The following DIAPH3 variants were observed in gnomAD, a reference collection of about 807,000 sequenced individuals.
DIAPH3 encodes diaphanous related formin 3.
In DIAPH3, 117 loss-of-function variants were observed where a neutral mutation model predicts 144.3. The ratio of observed to expected loss-of-function variants is 0.81; its 90% confidence interval spans 0.70 to 0.95. The LOEUF is 0.95. Among genes scored for constraint, DIAPH3 ranks in the 40% least tolerant of loss-of-function variants. The pLI is 0.00. For missense variants in DIAPH3, 1,421 were observed against 1,412.7 expected, an observed-to-expected ratio of 1.01 and a Z score of -0.09; for synonymous variants, 519 against 488.9, an observed-to-expected ratio of 1.06 and a Z score of -0.81.
In DIAPH3 at chr13:59,666,532, A is replaced by G. The variant is rs1430900928; in HGVS notation, c.*52T>C. The G allele has an allele frequency of 6.2e-7, 1 of 1,607,422 alleles. No homozygotes were observed. Among genetic ancestry groups the G allele is most frequent in the Non-Finnish European group, 8.5e-7 (1 of 1,176,654 alleles). ...GCAATTTTTTCAAGTGTTATAGTTT[A>G]GAGCATGGCTTTATATTTGGCTTAA... is the stretch of plus-strand genomic sequence containing the variant. On this transcript the variant is annotated 3_prime_UTR_variant, in exon 28 of 28. Coordinates refer to ENST00000400324, the MANE Select transcript of DIAPH3 (RefSeq NM_001042517.2).
At position 60,067,284 on chromosome 13, in the gene DIAPH3, C is replaced by CA. The variant is rs879713500; in HGVS notation, c.496-24465dup. On this transcript the variant is annotated intron_variant, in intron 4 of 27. Coordinates refer to ENST00000400324, the MANE Select transcript of DIAPH3 (RefSeq NM_001042517.2). ...TGAGCGACAGTGTGAGACCCTATAT[C>CA]AAAAAAAAAAAAGAAAGAAAATTAT... Among the ~76,000 whole-genome samples the CA allele has an allele frequency of 6.7e-3, 939 of 139,832 alleles. 8 individuals are homozygous for CA. Among genetic ancestry groups the CA allele is most frequent in the African/African-American group, 0.022 (849 of 38,096 alleles). 91.7% of individuals were successfully genotyped at this position (139,832 alleles called of 152,430 possible).
chr13:59,905,993 G>T (rs1218174156), intron 20 of DIAPH3, among the ~76,000 whole-genome samples: 1 of 152,114 alleles, frequency 6.6e-6, no homozygotes, highest in Non-Finnish European at 1.5e-5. Context: ...AACTAATATA[G>T]TCCTACTTCA....
chr13:60,110,244 T>C (rs1037774077), intron 3 of DIAPH3, among the ~76,000 whole-genome samples: 47 of 152,178 alleles, frequency 3.1e-4, no homozygotes, highest in African/African-American at 1.1e-3. Flanking sequence ...AATTGCACAA[T>C]GCCAAAGCAA....
chr13:60,060,397 T>C (rs932334109), intron 4 of DIAPH3, among the ~76,000 whole-genome samples: 1 of 152,050 alleles, frequency 6.6e-6, no homozygotes, highest in African/African-American at 2.4e-5. Context: ...AATTGAAATA[T>C]ACTGGGAAAA....
intron 1 of DIAPH3, among the ~76,000 whole-genome samples, chr13:60,152,767 C>T (rs1708195677): frequency 6.6e-6 from 1 of 151,742 alleles, no homozygotes; most frequent in African/African-American, 2.4e-5. Context: ...TCTTATTTAA[C>T]CAAAAAAACT....
At chr13:60,014,330 A>C (rs1470140912) in intron 7 of DIAPH3, among the ~76,000 whole-genome samples, 2 of 152,180 alleles carry the variant, frequency 1.3e-5, no homozygotes, top group Non-Finnish European at 2.9e-5. Context: ...ATTTACTCTT[A>C]AAACAGATAT....
intron 4 of DIAPH3, among the ~76,000 whole-genome samples, chr13:60,058,735 C>T (rs958364406): frequency 1.3e-5 from 2 of 151,844 alleles, no homozygotes; most frequent in Admixed American, 1.3e-4. Flanking sequence ...AAAAAAAGAA[C>T]AAAATCATAT....
chr13:59,948,446 A>T (rs2048914441), intron 17 of DIAPH3, among the ~76,000 whole-genome samples: 1 of 151,928 alleles, frequency 6.6e-6, no homozygotes, highest in African/African-American at 2.4e-5. Flanking sequence ...CATTACACTT[A>T]GTTTTTGTTG....
intron 7 of DIAPH3, among the ~76,000 whole-genome samples, chr13:60,014,969 T>TTTTG (rs1555357128): frequency 9.5e-5 from 14 of 147,000 alleles, no homozygotes; most frequent in East Asian, 2.0e-4. Context: ...TTTTCTAGTT[T>TTTTG]TTTTGTTTTG....
rs1165086686 is a variant in DIAPH3, at chr13:60,132,941, T to A, written c.213+16A>T. On this transcript the variant is annotated intron_variant, in intron 2 of 27. Transcript: ENST00000400324. ...GTTACAATTCATAACAAAGGAAAAG[T>A]TGAGGATAATCTTACCATATCATCC... The A allele has an allele frequency of 1.9e-6, 3 of 1,603,556 alleles. No individual in the cohort carries two copies. In the East Asian group the frequency reaches 6.7e-5, roughly 36 times the overall value.
intron 20 of DIAPH3, among the ~76,000 whole-genome samples, chr13:59,908,492 T>C (rs1015719340): frequency 2.6e-5 from 4 of 151,652 alleles, no homozygotes; most frequent in African/African-American, 9.7e-5. Context: ...TTTTACACCC[T>C]GCCTTTCTAT....
intron 24 of DIAPH3, among the ~76,000 whole-genome samples, chr13:59,830,377 C>A (rs1381985295): frequency 2.0e-5 from 3 of 151,830 alleles, no homozygotes; most frequent in Non-Finnish European, 4.4e-5. Context: ...CCCTTCCAGC[C>A]TTCATGCTTA....
At chr13:59,949,165 T>C (rs2048966252) in intron 17 of DIAPH3, among the ~76,000 whole-genome samples, 1 of 152,184 alleles carries the variant, frequency 6.6e-6, no homozygotes, top group South Asian at 2.1e-4. Context: ...AGGCCCCTTC[T>C]GATTGGCTGC....
intron 17 of DIAPH3, among the ~76,000 whole-genome samples, chr13:59,939,422 C>T (rs2048414580): frequency 6.6e-6 from 1 of 152,074 alleles, no homozygotes; most frequent in African/African-American, 2.4e-5. Flanking sequence ...CTTATAGTAG[C>T]CCATATCAAT....
chr13:60,059,009 A>G (rs2056663705), intron 4 of DIAPH3, among the ~76,000 whole-genome samples: 1 of 151,928 alleles, frequency 6.6e-6, no homozygotes, highest in South Asian at 2.1e-4. Flanking sequence ...GTACCCCTAA[A>G]GCTGTTGAAA....
chr13:59,884,148 G>A (rs1036124044), intron 20 of DIAPH3, among the ~76,000 whole-genome samples: 1 of 152,084 alleles, frequency 6.6e-6, no homozygotes, highest in Non-Finnish European at 1.5e-5. Context: ...ATTCTCATAG[G>A]AGCGAGAACC....
chr13:59,714,548 T>A (rs2034953084), intron 27 of DIAPH3, among the ~76,000 whole-genome samples: 2 of 151,984 alleles, frequency 1.3e-5, no homozygotes, highest in Admixed American at 1.3e-4. Context: ...TAGAAATAAG[T>A]TTTAATGATC....
intron 4 of DIAPH3, among the ~76,000 whole-genome samples, chr13:60,065,826 T>A (rs533246289): frequency 3.9e-5 from 6 of 152,248 alleles, no homozygotes; most frequent in African/African-American, 1.4e-4. Context: ...GGTGGGTAGG[T>A]AATTAAGTAT....
chr13:60,096,880 T>C (rs1477427373), intron 3 of DIAPH3, among the ~76,000 whole-genome samples: 2 of 152,186 alleles, frequency 1.3e-5, no homozygotes, highest in Non-Finnish European at 2.9e-5. Flanking sequence ...GGGCCTTAAC[T>C]GAGCCACGCT....
Sources: allele counts gnomAD v4.1 joint callset (sites outside exome capture counted in the v4.1 genomes callset), GRCh38; gene constraint gnomAD v4.1.1; transcripts MANE v1.5; gene names NCBI Gene and HGNC (gene_info 2026-07-23, HGNC 2026-07-21).